Variants in SLC28A1 observed in about 807,000 individuals in gnomAD.
SLC28A1 encodes sodium/nucleoside cotransporter 1.
A neutral mutation model predicts 74.8 loss-of-function variants in SLC28A1; 64 were observed. The observed-to-expected ratio is 0.86, with a 90% CI of 0.70 to 1.05. SLC28A1 has a LOEUF of 1.05. SLC28A1 is among the 50% of genes least tolerant of loss of function. The probability of loss-of-function intolerance (pLI) is 0.00; values close to 1 mark genes in which losing one functional copy is unlikely to be tolerated. For synonymous variants in SLC28A1, 359 were observed against 335.0 expected, an observed-to-expected ratio of 1.07 and a Z score of -0.78; for missense variants, 828 against 822.8, an observed-to-expected ratio of 1.01 and a Z score of -0.08.
intron 13 of SLC28A1, among the ~76,000 whole-genome samples, chr15:84,933,809 T>C (rs1280066370): frequency 1.3e-5 from 2 of 152,180 alleles, no homozygotes; most frequent in Non-Finnish European, 2.9e-5. Context: ...ACCCCATCTC[T>C]ATTTAAAATA....
chr15:84,894,086 G>T (rs1965670927), intron 5 of SLC28A1, among the ~76,000 whole-genome samples: 1 of 152,128 alleles, frequency 6.6e-6, no homozygotes, highest in African/African-American at 2.4e-5. Context: ...AAAAGCCAGG[G>T]AGAGGCCGGG....
chr15:84,890,735 G>A (rs753147061), intron 5 of SLC28A1, among the ~76,000 whole-genome samples: 7 of 152,216 alleles, frequency 4.6e-5, no homozygotes, highest in Non-Finnish European at 1.0e-4. Flanking sequence ...TCATCAGTAA[G>A]GGAGGCGGAA....
chr15:84,959,099 CAAAA>C, the SLC28A1 span, among the ~76,000 whole-genome samples: 10 of 47,076 alleles, frequency 2.1e-4, no homozygotes, highest in African/African-American at 7.8e-4. Context: ...GGCTTCATCT[CAAAA>C]AAAAAAAAAA....
chr15:84,917,371 G>A lies in SLC28A1; in HGVS notation c.796-1153G>A, dbSNP rs912738246. Among the ~76,000 whole-genome samples, 3 of 152,134 alleles carry A rather than the reference G, an allele frequency of 2.0e-5. No individual in the cohort carries two copies. In the South Asian group the frequency reaches 6.2e-4, roughly 31 times the overall value. Reference sequence around the variant, plus strand: ...CAGTTCCCTCCCCAAGGCACCTGCTGTTGCTGGCCTCTTGCACATCCTTCT... The same window carrying A: ...CAGTTCCCTCCCCAAGGCACCTGCTATTGCTGGCCTCTTGCACATCCTTCT... On this transcript the variant is annotated intron_variant, in intron 9 of 18. Transcript: ENST00000394573.
chr15:84,971,350 G>GT, the SLC28A1 span, among the ~76,000 whole-genome samples: 1 of 152,164 alleles, frequency 6.6e-6, no homozygotes, highest in Non-Finnish European at 1.5e-5. Flanking sequence ...TGAAAAGGAG[G>GT]TGTTTTAGTC....
At chr15:84,932,901 A>T (rs1971481265) in intron 12 of SLC28A1, among the ~76,000 whole-genome samples, 1 of 152,194 alleles carries the variant, frequency 6.6e-6, no homozygotes, top group South Asian at 2.1e-4. Context: ...TAAAATGAAG[A>T]TAACAATATT....
chr15:84,908,091 C>T (rs988178247), intron 8 of SLC28A1, among the ~76,000 whole-genome samples: 1 of 151,842 alleles, frequency 6.6e-6, no homozygotes, highest in Non-Finnish European at 1.5e-5. Flanking sequence ...GCCTGAGCGG[C>T]ACAAGAGGCA....
chr15:84,908,734 C>G lies in SLC28A1; in HGVS notation c.734C>G (p.Thr245Arg). ...GEQIRIFLSY[T>R]KAGSSFVFGE... ...TTCTTTCAGATCTTCCTGAGCTACA[C>G]GAAGGCTGGCTCCAGCTTCGTGTTT... Residue 245 changes from threonine (T) to arginine (R), a missense_variant, in exon 9 of 19, where the codon ACG becomes AGG. By Grantham distance (71) the Thr-to-Arg change is moderately conservative. Coordinates refer to ENST00000394573, the MANE Select transcript of SLC28A1 (RefSeq NM_004213.5). 4 of 1,613,906 alleles carry G rather than the reference C, an allele frequency of 2.5e-6. No homozygotes were observed. The highest frequency in any genetic ancestry group is 3.4e-6 in the Non-Finnish European group (4 of 1,179,968).
the SLC28A1 span, among the ~76,000 whole-genome samples, chr15:84,957,417 C>T: frequency 6.6e-6 from 1 of 152,204 alleles, no homozygotes; most frequent in Admixed American, 6.5e-5. Flanking sequence ...CAGGCGAACG[C>T]CACCACGCCC....
Position 84,935,500 on chromosome 15 carries a change from C to T in SLC28A1, c.1563C>T (p.Asp521=), listed in dbSNP as rs370670775. The part of the protein sequence containing the change: ...RLAGAEEWVG[D]RKQWISVRAE... ...CAGGGGCCGAGGAGTGGGTCGGCGA[C>T]AGGAAGCAGTGGATCTCCGTGAGTG... is the stretch of plus-strand genomic sequence containing the variant. The change falls in exon 15 of 19, where the codon GAC becomes GAT. Residue 521 remains aspartate, a synonymous_variant. Coordinates refer to ENST00000394573, the MANE Select transcript of SLC28A1 (RefSeq NM_004213.5). 8.9e-5 allele frequency: 144 copies of T among 1,613,480 alleles called. No homozygotes were observed. The highest frequency in any genetic ancestry group is 1.2e-4 in the Non-Finnish European group (136 of 1,179,944).
rs545951351 is a variant in SLC28A1 at position 84,900,235 on chromosome 15, G to A, written c.462-3862G>A. Reference sequence around the variant, plus strand: ...AGCTATTACACTTGGGTGGCTGAGGGACAAGAATTGCTTGAACCTGGGAGG... The same window carrying A: ...AGCTATTACACTTGGGTGGCTGAGGAACAAGAATTGCTTGAACCTGGGAGG... On this transcript the variant is annotated intron_variant, in intron 6 of 18. Transcript: ENST00000394573. 1.1e-4 allele frequency among the ~76,000 whole-genome samples: 17 copies of A among 151,630 alleles called. No individual in the cohort carries two copies. The East Asian group carries it at 2.5e-3, about 23-fold the overall frequency.
intron 6 of SLC28A1, 114 bp from the exon 7 acceptor site, chr15:84,903,983 T>C: frequency 7.8e-6 from 11 of 1,401,568 alleles, no homozygotes; most frequent in Non-Finnish European, 1.1e-5. Flanking sequence ...TGCTGTGCTG[T>C]TTCTCCTCCT....
At position 84,943,497 on chromosome 15, in the gene SLC28A1, G is replaced by T; in HGVS notation, c.1634G>T (p.Ser545Ile). ...GCCCTCTGTGGATTTGCCAATTTCAGCTCCATTGGGATCATGCTGGGAGGC... is the reference window on the plus strand; with the variant it reads ...GCCCTCTGTGGATTTGCCAATTTCATCTCCATTGGGATCATGCTGGGAGGC... ...TFALCGFANF[S>I]SIGIMLGGLT... Residue 545 changes from serine (S) to isoleucine (I), a missense_variant, in exon 16 of 19, where the codon AGC (serine) becomes ATC (isoleucine). By Grantham distance (142) the Ser-to-Ile change is moderately radical (BLOSUM62 -2). Transcript: ENST00000394573. The T allele has an allele frequency of 1.2e-6, 2 of 1,614,086 alleles. No individual in the cohort carries two copies. The highest frequency in any genetic ancestry group is 1.7e-5 in the Admixed American group (1 of 60,030).
At chr15:84,925,675 C>T (rs918025320) in intron 12 of SLC28A1, among the ~76,000 whole-genome samples, 5 of 152,048 alleles carry the variant, frequency 3.3e-5, no homozygotes, top group African/African-American at 9.7e-5. Flanking sequence ...TTCTGATGCC[C>T]GCCCAATTTG....
In SLC28A1 at chr15:84,935,039, C is replaced by T. The variant is rs370895572; in HGVS notation, c.1228C>T (p.Leu410Phe). The change falls in exon 14 of 19, where the codon CTC (leucine) becomes TTC (phenylalanine). Residue 410 changes from leucine (L) to phenylalanine (F), a missense_variant. Leu to Phe is a conservative substitution (Grantham distance 22). Around this residue, in one of 3 missense-constraint regions of SLC28A1, gnomAD observed 767 missense variants for 753.5 expected, o/e 1.02. Transcript: ENST00000394573. ...TCCCAACAACAGAGATGCTCAGAACCTCATAGAAGCAGCCAGCACTGGGGC... is the reference window on the plus strand; with the variant it reads ...TCCCAACAACAGAGATGCTCAGAACTTCATAGAAGCAGCCAGCACTGGGGC... ...VKLTYGDAQNLIEAASTGAAI... is the reference protein window; with the variant it reads ...VKLTYGDAQNFIEAASTGAAI... The T allele has an allele frequency of 3.1e-6, 5 of 1,613,960 alleles. No homozygotes were observed. The African/African-American group carries it at 5.3e-5, about 17-fold the overall frequency.
intron 17 of SLC28A1, 35 bp downstream of exon 17, chr15:84,944,699 C>T (rs751883212): frequency 3.8e-6 from 6 of 1,593,930 alleles, no homozygotes; most frequent in Non-Finnish European, 5.1e-6. Flanking sequence ...GAAGGTGGAA[C>T]CCTGACTTTC....
At chr15:84,935,691 C>G (rs1971802520) in intron 15 of SLC28A1, among the ~76,000 whole-genome samples, 173 bp downstream of exon 15, 1 of 152,174 alleles carries the variant, frequency 6.6e-6, no homozygotes, top group East Asian at 1.9e-4. Flanking sequence ...GGCTTCGCTG[C>G]CATCTTTCTC....
intron 12 of SLC28A1, 122 bp downstream of exon 12, chr15:84,924,232 G>GCC: frequency 1.6e-6 from 2 of 1,231,594 alleles, no homozygotes; most frequent in Non-Finnish European, 2.4e-6. Flanking sequence ...TGCTGTGCTG[G>GCC]CAAGAGGAGT....
intron 12 of SLC28A1, among the ~76,000 whole-genome samples, chr15:84,930,047 T>C (rs1971090338): frequency 6.6e-6 from 1 of 152,228 alleles, no homozygotes; most frequent in Non-Finnish European, 1.5e-5. Context: ...CTCAGCCCTT[T>C]CCATGATGAG....
Sources: allele counts gnomAD v4.1 joint callset (sites outside exome capture counted in the v4.1 genomes callset), GRCh38; gene constraint gnomAD v4.1.1; regional missense constraint gnomAD v4.1.1; transcripts MANE v1.5; gene names NCBI Gene and HGNC (gene_info 2026-07-23, HGNC 2026-07-21).